The following STXBP4 variants were observed in gnomAD, a reference collection of about 807,000 sequenced individuals.
STXBP4 encodes the protein syntaxin binding protein 4.
A neutral mutation model predicts 76.1 loss-of-function variants in STXBP4; 55 were observed. The ratio of observed to expected loss-of-function variants is 0.72; its 90% CI spans 0.58 to 0.91. The LOEUF (loss-of-function observed/expected upper bound fraction) is 0.91, where lower values mean the gene tolerates loss of function less well. Ranked by LOEUF, STXBP4 falls within the 40% of genes least tolerant of loss-of-function variation. The pLI is 0.00. For missense variants in STXBP4, 618 were observed against 636.9 expected (o/e 0.97, Z 0.32); for synonymous variants, 201 against 220.2 (o/e 0.91, Z 0.77).
chr17:55,150,070 A>G (rs1393541171), intron 17 of STXBP4, among the ~76,000 whole-genome samples: 1 of 152,166 alleles, frequency 6.6e-6, no homozygotes, highest in Admixed American at 6.5e-5. Context: ...TAATACTTCT[A>G]TTTGAAAGGT....
chr17:55,190,511 A>T, the STXBP4 span, among the ~76,000 whole-genome samples: 1 of 152,236 alleles, frequency 6.6e-6, no homozygotes, highest in African/African-American at 2.4e-5. Context: ...CAAGCCCTGA[A>T]GAGACAGAGA....
the STXBP4 span, among the ~76,000 whole-genome samples, chr17:55,196,286 C>T: frequency 7.2e-5 from 11 of 152,144 alleles, no homozygotes; most frequent in African/African-American, 2.7e-4. Flanking sequence ...GGATAGCAGA[C>T]AAGTGCCTCC....
At chr17:55,111,215 A>G (rs1598322846) in intron 16 of STXBP4, among the ~76,000 whole-genome samples, 2 of 152,128 alleles carry the variant, frequency 1.3e-5, no homozygotes, top group South Asian at 4.2e-4. Context: ...AAACTCTCCA[A>G]TCATTTCCAA....
chr17:55,004,758 GAGA>G (rs2077977556), intron 7 of STXBP4, among the ~76,000 whole-genome samples: 1 of 151,794 alleles, frequency 6.6e-6, no homozygotes, highest in African/African-American at 2.4e-5. Flanking sequence ...GGAGGAGGAG[GAGA>G]AGGAGACGGA....
chr17:55,082,280 A>C (rs890067281), intron 16 of STXBP4, among the ~76,000 whole-genome samples: 2 of 152,212 alleles, frequency 1.3e-5, no homozygotes, highest in African/African-American at 4.8e-5. Context: ...TTTAAATAGC[A>C]TGAGCAGATT....
intron 10 of STXBP4, among the ~76,000 whole-genome samples, chr17:55,035,587 C>A (rs188798136): frequency 6.6e-6 from 1 of 151,798 alleles, no homozygotes; most frequent in African/African-American, 2.4e-5. Flanking sequence ...TAAGGCTTTA[C>A]AAATTAAAAT....
chr17:55,179,293 T>A, the STXBP4 span, among the ~76,000 whole-genome samples: 11 of 152,216 alleles, frequency 7.2e-5, no homozygotes, highest in Admixed American at 5.2e-4. Flanking sequence ...AAGGAATGTC[T>A]CATATTGATT....
At chr17:55,052,279 G>A (rs1037037861) in intron 12 of STXBP4, among the ~76,000 whole-genome samples, 18 of 152,164 alleles carry the variant, frequency 1.2e-4, no homozygotes, top group African/African-American at 4.3e-4. Context: ...AATGACAGGG[G>A]CATATCACAG....
intron 12 of STXBP4, among the ~76,000 whole-genome samples, chr17:55,060,124 T>A (rs1297629682): frequency 6.6e-6 from 1 of 152,112 alleles, no homozygotes; most frequent in African/African-American, 2.4e-5. Flanking sequence ...ACCATTCATT[T>A]CATTAACACC....
At chr17:55,118,802 A>G (rs1182385501) in intron 16 of STXBP4, among the ~76,000 whole-genome samples, 1 of 151,814 alleles carries the variant, frequency 6.6e-6, no homozygotes, top group African/African-American at 2.4e-5. Flanking sequence ...ATGGCTTTAA[A>G]TACATGTGCT....
At chr17:55,032,909 A>C (rs2078534167) in intron 9 of STXBP4, among the ~76,000 whole-genome samples, 1 of 152,166 alleles carries the variant, frequency 6.6e-6, no homozygotes, top group South Asian at 2.1e-4. Flanking sequence ...AGTTACACAC[A>C]CAAAATTTCC....
chr17:55,103,966 C>T (rs2079597749), intron 16 of STXBP4, among the ~76,000 whole-genome samples: 2 of 152,088 alleles, frequency 1.3e-5, no homozygotes, highest in Admixed American at 1.3e-4. Flanking sequence ...GTGATTTTTG[C>T]ACATTGATTT....
the STXBP4 span, among the ~76,000 whole-genome samples, chr17:55,201,685 G>T: frequency 6.6e-6 from 1 of 152,326 alleles, no homozygotes; most frequent in African/African-American, 2.4e-5. Flanking sequence ...CAAAGGAAAT[G>T]TTCACAGCAA....
intron 9 of STXBP4, among the ~76,000 whole-genome samples, chr17:55,033,738 G>A (rs909593249): frequency 7.9e-5 from 12 of 152,124 alleles, no homozygotes; most frequent in Admixed American, 3.9e-4. Context: ...AAGACTGTTG[G>A]GAGGATGAAA....
At chr17:55,130,701 A>T (rs903366389) in intron 16 of STXBP4, among the ~76,000 whole-genome samples, 1 of 152,202 alleles carries the variant, frequency 6.6e-6, no homozygotes, top group African/African-American at 2.4e-5. Context: ...TGCCTCTGGT[A>T]ACAACTATTC....
At chr17:55,043,799 C>G (rs1287880857) in intron 11 of STXBP4, 8 of 628,998 alleles carry the variant, frequency 1.3e-5, no homozygotes, top group African/African-American at 1.9e-5. Flanking sequence ...CCCAAATATA[C>G]TGTAACATTT....
At chr17:54,971,637 C>T (rs765882999) in intron 1 of STXBP4, among the ~76,000 whole-genome samples, 3 of 152,124 alleles carry the variant, frequency 2.0e-5, no homozygotes, top group Non-Finnish European at 2.9e-5. Flanking sequence ...TTCATGGACT[C>T]TACATAAATT....
intron 1 of STXBP4, among the ~76,000 whole-genome samples, chr17:54,969,850 C>T (rs2077362867): frequency 6.6e-6 from 1 of 152,170 alleles, no homozygotes; most frequent in African/African-American, 2.4e-5. Flanking sequence ...ATGGAGTGTC[C>T]TTTCTGCTGA....
intron 16 of STXBP4, among the ~76,000 whole-genome samples, chr17:55,091,811 T>C (rs540934541): frequency 6.6e-6 from 1 of 152,322 alleles, no homozygotes; most frequent in Non-Finnish European, 1.5e-5. Flanking sequence ...GATGGTTCAA[T>C]GATCACAAAT....
Sources: gnomAD v4.1 joint callset for allele counts (sites outside exome capture counted in the v4.1 genomes callset) on GRCh38, gnomAD v4.1.1 for gene constraint, MANE v1.5 for transcripts, NCBI Gene and HGNC (gene_info 2026-07-23, HGNC 2026-07-21) for gene names.